OTOF: variants seen among roughly 807,000 people sequenced by gnomAD.
OTOF encodes fer-1-like family member 2.
OTOF carries 218 observed loss-of-function variants against 236.8 expected under a neutral mutation model. That is an observed-to-expected ratio of 0.92 (90% CI 0.82 to 1.03). OTOF has a LOEUF of 1.03. Ranked by LOEUF, OTOF falls within the 50% of genes least tolerant of loss-of-function variation. The probability of loss-of-function intolerance (pLI) is 0.00; values close to 1 mark genes in which losing one functional copy is unlikely to be tolerated. For synonymous variants in OTOF, 1,041 were observed against 1,072.5 expected (o/e 0.97, Z 0.57); for missense variants, 2,590 against 2,694.4 (o/e 0.96, Z 0.86).
intron 2 of OTOF, among the ~76,000 whole-genome samples, chr2:26,532,092 C>CAA (rs150580671): frequency 0.15 from 11,934 of 79,750 alleles, 895 homozygotes; most frequent in Non-Finnish European, 0.18. Context: ...GACTCCACCT[C>CAA]AAAAAAAAAA....
In OTOF at chr2:26,473,896, G is replaced by C; in HGVS notation, c.3408+95C>G. 6.6e-7 allele frequency: 1 copy of C among 1,523,982 alleles called. No homozygotes were observed. Among genetic ancestry groups the C allele is most frequent in the Non-Finnish European group, 9.1e-7 (1 of 1,100,212 alleles). 94.4% of individuals were successfully genotyped at this position (1,523,982 alleles called of 1,614,324 possible). A position where few individuals can be genotyped will look rare whatever the true frequency, so the allele number is the denominator to read the frequency against. ...GAGCCTGGGTCTGCTGCTGGCTCCT[G>C]GTGATGGTGGTGGGAGGGGGATGAC... On this transcript the variant is annotated intron_variant, in intron 27 of 46. Coordinates refer to ENST00000272371, the MANE Select transcript of OTOF (RefSeq NM_194248.3). This position sits in a 1 kb window ranked among gnomAD's most constrained non-coding sequence, Gnocchi z 7.2.
intron 1 of OTOF, among the ~76,000 whole-genome samples, chr2:26,548,050 G>A (rs969769023): frequency 6.6e-6 from 1 of 152,142 alleles, no homozygotes; most frequent in Non-Finnish European, 1.5e-5. Context: ...CATTTCATCT[G>A]AGTTGTAGAA....
chr2:26,508,767 C>T (rs975153829), intron 5 of OTOF, among the ~76,000 whole-genome samples: 1 of 152,208 alleles, frequency 6.6e-6, no homozygotes, highest in African/African-American at 2.4e-5. Flanking sequence ...GAGATAGATA[C>T]CAACCAGCTT....
In OTOF at chr2:26,464,109, G is replaced by T. The variant is rs776938798; in HGVS notation, c.4961-3C>A. 8.1e-6 allele frequency: 13 copies of T among 1,613,268 alleles called. No individual in the cohort carries two copies. The South Asian group carries it at 1.3e-4, about 16-fold the overall frequency. On this transcript the variant is annotated splice_polypyrimidine_tract_variant and splice_region_variant and intron_variant, in intron 39 of 46. Transcript: ENST00000272371. ...CTCGTCTGTGGGCTTCCTCTGACCT[G>T]TGGGTGCCGGCGGCTCAGCTGCACA...
At chr2:26,556,437 T>C (rs1182301435) in intron 1 of OTOF, among the ~76,000 whole-genome samples, 2 of 152,190 alleles carry the variant, frequency 1.3e-5, no homozygotes, top group African/African-American at 2.4e-5. Flanking sequence ...AAACTGCTTG[T>C]CATCTGCCTA....
intron 1 of OTOF, among the ~76,000 whole-genome samples, chr2:26,555,934 T>C (rs1321404718): frequency 6.6e-6 from 1 of 152,206 alleles, no homozygotes; most frequent in African/African-American, 2.4e-5. Context: ...ATGCCCATTT[T>C]ACAGATGAGG....
rs1196372255 is a variant in OTOF, at chr2:26,462,080, C to T, written c.5291+3G>A. The T allele has an allele frequency of 6.2e-7, 1 of 1,613,212 alleles. No homozygotes were observed. Among genetic ancestry groups the T allele is most frequent in the South Asian group, 1.1e-5 (1 of 91,048 alleles). On this transcript the variant is annotated splice_donor_region_variant and intron_variant, in intron 42 of 46. Transcript: ENST00000272371. This position sits in a 1 kb window ranked among gnomAD's most constrained non-coding sequence, Gnocchi z 4.7. ...CCCTCCCATGCAGGGACTGCTCACC[C>T]ACCCCCTCACGAAGATGTCACTGGA...
intron 1 of OTOF, among the ~76,000 whole-genome samples, chr2:26,549,612 C>T (rs927023069): frequency 2.0e-5 from 3 of 152,196 alleles, no homozygotes; most frequent in African/African-American, 7.2e-5. Context: ...AATATCATTT[C>T]TACCTCCACT....
intron 11 of OTOF, among the ~76,000 whole-genome samples, chr2:26,487,232 TGCCCTG>T (rs1454406836): frequency 2.6e-5 from 4 of 152,110 alleles, no homozygotes; most frequent in Admixed American, 2.0e-4. Flanking sequence ...TGTCCAACAA[TGCCCTG>T]GCTGGAACCA....
intron 3 of OTOF, among the ~76,000 whole-genome samples, chr2:26,521,846 CTGCTAT>C (rs1251686155): frequency 5.9e-5 from 9 of 152,252 alleles, no homozygotes; most frequent in African/African-American, 2.2e-4. Context: ...TTGGCTCCTT[CTGCTAT>C]AGCCCTCCGA....
At chr2:26,480,127 C>T in intron 16 of OTOF, 76 bp downstream of exon 16, 12 of 847,450 alleles carry the variant, frequency 1.4e-5, no homozygotes, top group Non-Finnish European at 2.3e-5. Flanking sequence ...ACACTTACCA[C>T]CTGCAGCCTA....
intron 3 of OTOF, among the ~76,000 whole-genome samples, chr2:26,526,399 A>T (rs1206527090): frequency 6.6e-6 from 1 of 152,094 alleles, no homozygotes; most frequent in African/African-American, 2.4e-5. Context: ...GGATGAAAGG[A>T]TGGAAGGATG....
intron 3 of OTOF, among the ~76,000 whole-genome samples, chr2:26,526,203 G>A (rs1480177264): frequency 1.3e-5 from 2 of 151,674 alleles, no homozygotes; most frequent in South Asian, 2.1e-4. Context: ...ATGAATGGAT[G>A]GAAAGATGGA....
Position 26,477,615 on chromosome 2 carries a change from A to C in OTOF, c.2315+34T>G, listed in dbSNP as rs1422074560. ...GGTCCCCTTTGTCCAGTTCCGCCTCATCCTCCCCCCACCTGCCGCCCCTCC... is the reference window on the plus strand; with the variant it reads ...GGTCCCCTTTGTCCAGTTCCGCCTCCTCCTCCCCCCACCTGCCGCCCCTCC... On this transcript the variant is annotated intron_variant, in intron 19 of 46. Coordinates refer to ENST00000272371, the MANE Select transcript of OTOF (RefSeq NM_194248.3). The surrounding 1 kb of genome is among the most constrained non-coding windows in gnomAD (Gnocchi z 4.7). 6.2e-7 allele frequency: 1 copy of C among 1,610,798 alleles called. No individual in the cohort carries two copies. The highest frequency in any genetic ancestry group is 8.5e-7 in the Non-Finnish European group (1 of 1,179,040).
chr2:26,478,757 G>A (rs1288929850), intron 18 of OTOF, among the ~76,000 whole-genome samples: 1 of 152,044 alleles, frequency 6.6e-6, no homozygotes, highest in East Asian at 1.9e-4. Context: ...GGAGTGCAGT[G>A]GCGCCATCTT....
In OTOF at chr2:26,479,663, A is replaced by G. The variant is rs756967143; in HGVS notation, c.1913-10T>C. 6.2e-7 allele frequency: 1 copy of G among 1,612,122 alleles called. No individual in the cohort carries two copies. Among genetic ancestry groups the G allele is most frequent in the Non-Finnish European group, 8.5e-7 (1 of 1,179,398 alleles). On this transcript the variant is annotated splice_polypyrimidine_tract_variant and intron_variant, in intron 16 of 46. Transcript: ENST00000272371. ...TCGTTCCCATAGTTGCCTGGAGCAG[A>G]ATGGGCCCAGAAGGCCTAGAGTGCA...
In OTOF at chr2:26,516,408, T is replaced by A. The variant is rs76712142; in HGVS notation, c.509+10A>T. 6.2e-7 allele frequency: 1 copy of A among 1,612,678 alleles called. No homozygotes were observed. Among genetic ancestry groups the A allele is most frequent in the Non-Finnish European group, 8.5e-7 (1 of 1,179,064 alleles). On this transcript the variant is annotated intron_variant, in intron 5 of 46. Transcript: ENST00000272371. ...GAGCAGTGGGCAGCCAGAGGGGTCC[T>A]GCCTGTTACCTCCGGAAGCTCTTCT...
At chr2:26,542,561 G>A (rs924189219) in intron 1 of OTOF, among the ~76,000 whole-genome samples, 1 of 152,234 alleles carries the variant, frequency 6.6e-6, no homozygotes, top group African/African-American at 2.4e-5. Context: ...ACGCATTGAC[G>A]CTAGAAGACC....
chr2:26,478,013 G>A (rs1665404746), intron 18 of OTOF: 16 of 1,447,710 alleles, frequency 1.1e-5, no homozygotes, highest in Non-Finnish European at 1.4e-5. Context: ...TGGCTCTGGT[G>A]AGCTCACAGG....
Sources: gnomAD v4.1 joint callset for allele counts (sites outside exome capture counted in the v4.1 genomes callset) on GRCh38, gnomAD v4.1.1 for gene constraint, Gnocchi (gnomAD v3.1) non-coding constraint, MANE v1.5 for transcripts, NCBI Gene and HGNC (gene_info 2026-07-23, HGNC 2026-07-21) for gene names.